APBB2: variants seen among roughly 807,000 people sequenced by gnomAD.
APBB2 encodes Fe65-like 1.
In APBB2, 38 loss-of-function variants were observed where a neutral mutation model predicts 82.5. The observed-to-expected ratio is 0.46, with a 90% confidence interval of 0.36 to 0.60. APBB2 has a LOEUF of 0.60. Among genes scored for constraint, APBB2 ranks in the 20% least tolerant of loss-of-function variants. The pLI, the probability that APBB2 is intolerant of heterozygous loss-of-function variation, is 0.00. For missense variants in APBB2, 772 were observed against 972.3 expected (o/e 0.79, Z 2.74); for synonymous variants, 341 against 368.2 (o/e 0.93, Z 0.85).
chr4:40,817,765 G>GAT (rs919447987), intron 17 of APBB2, among the ~76,000 whole-genome samples: 9 of 152,182 alleles, frequency 5.9e-5, no homozygotes, highest in African/African-American at 1.7e-4. Flanking sequence ...CTGGGGGAAG[G>GAT]ATATGGTACA....
intron 15 of APBB2, 121 bp downstream of exon 15, chr4:40,825,766 C>A: frequency 1.3e-6 from 1 of 744,618 alleles, no homozygotes; most frequent in Non-Finnish European, 2.4e-6. Context: ...GACAGTGTGA[C>A]AGTTTGATTC....
At chr4:41,049,430 C>T (rs1332496436) in intron 4 of APBB2, among the ~76,000 whole-genome samples, 14 of 150,104 alleles carry the variant, frequency 9.3e-5, no homozygotes, top group Non-Finnish European at 1.6e-4. Flanking sequence ...GGGACAGCCC[C>T]GCCCGGCCAG....
chr4:40,859,317 A>T (rs1214428715), intron 12 of APBB2, among the ~76,000 whole-genome samples: 1 of 147,102 alleles, frequency 6.8e-6, no homozygotes, highest in African/African-American at 2.5e-5. Context: ...ACAGTGTCTC[A>T]CTAGTGCAGT....
intron 2 of APBB2, among the ~76,000 whole-genome samples, chr4:41,131,152 G>C (rs1392440088): frequency 3.3e-5 from 5 of 152,182 alleles, no homozygotes; most frequent in Non-Finnish European, 2.9e-5. Context: ...TGTATCAGCA[G>C]ATCATGCTAC....
chr4:41,149,408 T>C (rs929327591), intron 1 of APBB2, among the ~76,000 whole-genome samples: 8 of 152,002 alleles, frequency 5.3e-5, no homozygotes, highest in African/African-American at 1.9e-4. Context: ...AGAACTAAGC[T>C]ATGCAGGACA....
intron 12 of APBB2, among the ~76,000 whole-genome samples, chr4:40,884,875 TC>T (rs1362676449): frequency 6.6e-6 from 1 of 152,216 alleles, no homozygotes; most frequent in East Asian, 1.9e-4. Context: ...GACACTATAT[TC>T]TTTAGACAAA....
chr4:41,141,864 A>T (rs1363135147), intron 2 of APBB2, among the ~76,000 whole-genome samples: 5 of 152,182 alleles, frequency 3.3e-5, no homozygotes, highest in Non-Finnish European at 5.9e-5. Context: ...CCCCACCCCC[A>T]TAATTCAATC....
At chr4:41,213,252 C>T (rs900774359) in intron 1 of APBB2, among the ~76,000 whole-genome samples, 5 of 152,162 alleles carry the variant, frequency 3.3e-5, no homozygotes, top group African/African-American at 9.7e-5. Flanking sequence ...CCGATGGCAT[C>T]ATTTTATGAT....
At chr4:40,880,316 G>T in intron 12 of APBB2, 8 of 985,388 alleles carry the variant, frequency 8.1e-6, no homozygotes, top group Non-Finnish European at 9.6e-6. Context: ...GACGAACTGT[G>T]CTGCACTAAA....
At position 41,113,843 on chromosome 4, in the gene APBB2, C is replaced by T. The variant is rs551525452; in HGVS notation, c.-260-13093G>A. On this transcript the variant is annotated intron_variant, in intron 2 of 17. Coordinates refer to ENST00000508593, the MANE Select transcript of APBB2 (RefSeq NM_004307.2). ...GTAGCTCACGCCTGTAATCCCAGTA[C>T]TTTGGGAGGCAGAGGTGGGTGCATC... 7.2e-5 allele frequency: 11 copies of T among 152,224 alleles called. 1 individual carries two copies. In the East Asian group the frequency reaches 2.1e-3, roughly 29 times the overall value. The allele number at this position is 152,224 out of a possible 1,614,324, so 9.4% of individuals were successfully genotyped here.
chr4:40,925,816 C>T (rs142086338), intron 10 of APBB2, among the ~76,000 whole-genome samples: 7 of 152,158 alleles, frequency 4.6e-5, no homozygotes, highest in Non-Finnish European at 1.5e-5. Context: ...AATATAATTA[C>T]TTCATGAAAA....
intron 12 of APBB2, chr4:40,880,026 G>A (rs961790510): frequency 3.0e-5 from 30 of 985,270 alleles, no homozygotes; most frequent in Non-Finnish European, 3.6e-5. Flanking sequence ...ATATTACTAT[G>A]TTAATAAAAA....
intron 6 of APBB2, among the ~76,000 whole-genome samples, chr4:41,000,770 T>C (rs891450012): frequency 1.3e-5 from 2 of 152,052 alleles, no homozygotes; most frequent in Non-Finnish European, 2.9e-5. Flanking sequence ...ATTAAAGATA[T>C]AATGAGCCTG....
intron 6 of APBB2, among the ~76,000 whole-genome samples, chr4:40,953,296 C>A (rs868757131): frequency 2.7e-3 from 256 of 95,098 alleles, no homozygotes; most frequent in Middle Eastern, 6.4e-3. Context: ...AACTCCATCT[C>A]AAAAAAAAAA....
chr4:41,014,504 T>G (rs1809326059), intron 5 of APBB2, 106 bp from the exon 6 acceptor site: 1 of 1,039,224 alleles, frequency 9.6e-7, no homozygotes. Flanking sequence ...ATGCTTCCAC[T>G]GCACATACAT....
At chr4:41,199,758 G>C (rs758734253) in intron 1 of APBB2, among the ~76,000 whole-genome samples, 4 of 152,088 alleles carry the variant, frequency 2.6e-5, no homozygotes, top group Non-Finnish European at 5.9e-5. Flanking sequence ...CAAGTAAAAG[G>C]GTATGTTTTG....
intron 4 of APBB2, among the ~76,000 whole-genome samples, chr4:41,060,223 T>A (rs370191091): frequency 7.2e-5 from 11 of 151,984 alleles, no homozygotes; most frequent in African/African-American, 2.7e-4. Context: ...GAGCTAGAAA[T>A]AGAAAAGTAA....
At chr4:40,934,807 G>A (rs568607314) in intron 8 of APBB2, 108 bp from the exon 9 acceptor site, 6 of 829,970 alleles carry the variant, frequency 7.2e-6, no homozygotes, top group South Asian at 3.3e-5. Flanking sequence ...GAGAGTGTAC[G>A]TGAGCTTAGG....
At chr4:40,943,473 C>T (rs906358862) in intron 7 of APBB2, among the ~76,000 whole-genome samples, 13 of 152,150 alleles carry the variant, frequency 8.5e-5, no homozygotes, top group Admixed American at 6.6e-5. Flanking sequence ...AGAGATTGAT[C>T]CTGGCCGGCT....
Sources: gnomAD v4.1 joint callset for allele counts (sites outside exome capture counted in the v4.1 genomes callset) on GRCh38, gnomAD v4.1.1 for gene constraint, MANE v1.5 for transcripts, NCBI Gene and HGNC (gene_info 2026-07-23, HGNC 2026-07-21) for gene names.